Variants in DDX31 observed in about 807,000 individuals in gnomAD.
DDX31 encodes DEAD-box helicase 31.
Under a neutral mutation model 91.3 loss-of-function variants are expected in DDX31, and 70 were observed. The ratio of observed to expected loss-of-function variants is 0.77; its 90% confidence interval spans 0.63 to 0.94. DDX31 has a LOEUF of 0.94. Among genes scored for constraint, DDX31 ranks in the 40% least tolerant of loss-of-function variants. The pLI, the probability that DDX31 is intolerant of heterozygous loss-of-function variation, is 0.00. For missense variants in DDX31, 902 were observed against 925.0 expected (o/e 0.98, Z 0.32); for synonymous variants, 362 against 350.6 (o/e 1.03, Z -0.36).
chr9:132,646,257 G>C lies in DDX31; in HGVS notation c.1204-186C>G, dbSNP rs561419874. The stretch of plus-strand genomic sequence containing the variant: ...CCACTCTACAAAGAATGCAGGAGAG[G>C]AAAACGACACAGCTATCATTTCAAA... On this transcript the variant is annotated intron_variant, in intron 12 of 19. Coordinates refer to ENST00000372159, the MANE Select transcript of DDX31 (RefSeq NM_022779.9). 4.6e-5 allele frequency among the ~76,000 whole-genome samples: 7 copies of C among 152,242 alleles called. No homozygotes were observed. The South Asian group carries it at 1.2e-3, about 27-fold the overall frequency.
chr9:132,604,875 C>T (rs2119230243), intron 19 of DDX31, among the ~76,000 whole-genome samples: 1 of 152,336 alleles, frequency 6.6e-6, no homozygotes, highest in Middle Eastern at 3.4e-3. Context: ...GGCCCCACTC[C>T]TGAGCCTGCT....
intron 6 of DDX31, among the ~76,000 whole-genome samples, chr9:132,654,613 A>G (rs1415166153): frequency 6.6e-6 from 1 of 151,640 alleles, no homozygotes; most frequent in Admixed American, 6.6e-5. Context: ...ACTTCATCTC[A>G]AACAAAACAA....
chr9:132,661,286 T>C, intron 3 of DDX31, 35 bp from the exon 4 acceptor site: 2 of 1,490,768 alleles, frequency 1.3e-6, no homozygotes, highest in Non-Finnish European at 1.9e-6. Context: ...TAATTAATAT[T>C]TTGATACAAA....
chr9:132,654,870 C>T (rs192454474), intron 6 of DDX31, among the ~76,000 whole-genome samples: 22 of 144,320 alleles, frequency 1.5e-4, no homozygotes, highest in Non-Finnish European at 2.5e-4. Context: ...TGCTTGAATC[C>T]GGGAGGTGGA....
At position 132,650,984 on chromosome 9, in the gene DDX31, T is replaced by C; in HGVS notation, c.675+91A>G. On this transcript the variant is annotated intron_variant, in intron 8 of 19. Transcript: ENST00000372159. ...TCCAGGCAAAAGGAAATAATTCTTA[T>C]CTCTTTGAAAATAAAGAATAGACTG... The C allele has an allele frequency of 2.4e-6, 3 of 1,272,942 alleles. No homozygotes were observed. The highest frequency in any genetic ancestry group is 1.3e-5 in the South Asian group (1 of 75,778). 78.9% of individuals were successfully genotyped at this position (1,272,942 alleles called of 1,614,324 possible). A position where few individuals can be genotyped will look rare whatever the true frequency, so the allele number is the denominator to read the frequency against.
intron 11 of DDX31, among the ~76,000 whole-genome samples, chr9:132,647,815 A>G (rs908261099): frequency 6.6e-6 from 1 of 152,188 alleles, no homozygotes; most frequent in Non-Finnish European, 1.5e-5. Context: ...TAGGAGGAAG[A>G]GTGATTACAT....
At chr9:132,610,148 C>G (rs879591276) in intron 19 of DDX31, among the ~76,000 whole-genome samples, 42 of 152,162 alleles carry the variant, frequency 2.8e-4, no homozygotes, top group Admixed American at 7.9e-4. Flanking sequence ...AGTTCCCAGG[C>G]CCCGCAGCCT....
chr9:132,646,454 CAG>C (rs1167353528), intron 12 of DDX31, among the ~76,000 whole-genome samples: 1 of 152,174 alleles, frequency 6.6e-6, no homozygotes, highest in Non-Finnish European at 1.5e-5. Flanking sequence ...TCTCACATCT[CAG>C]AGTCAGCGCA....
chr9:132,645,088 T>C (rs1184989140), intron 13 of DDX31, among the ~76,000 whole-genome samples: 2 of 152,230 alleles, frequency 1.3e-5, no homozygotes, highest in East Asian at 3.9e-4. Context: ...TCCTGATTTC[T>C]AGTTTTCTTT....
intron 19 of DDX31, among the ~76,000 whole-genome samples, chr9:132,611,637 C>G (rs1425010995): frequency 6.6e-6 from 1 of 152,114 alleles, no homozygotes; most frequent in Non-Finnish European, 1.5e-5. Context: ...TGAGCGCTCA[C>G]CACTGGAGGT....
rs1590065681 is a variant in DDX31 at position 132,645,893 on chromosome 9, A to C, written c.1380+2T>G. ...TCGCTGCACAGGGAGATCAGTGCTC[A>C]CCTCCTGCTCCATGCCGCCATGCAG... On this transcript the variant is annotated splice_donor_variant, in intron 13 of 19. Transcript: ENST00000372159. LOFTEE classifies it high-confidence loss of function. The C allele has an allele frequency of 6.2e-7, 1 of 1,610,228 alleles. No homozygotes were observed. The highest frequency in any genetic ancestry group is 8.5e-7 in the Non-Finnish European group (1 of 1,177,902).
chr9:132,634,224 T>G (rs555120432), intron 14 of DDX31, among the ~76,000 whole-genome samples: 14 of 152,218 alleles, frequency 9.2e-5, no homozygotes, highest in African/African-American at 3.1e-4. Flanking sequence ...CCCCTACAAT[T>G]TTTATTTAGA....
chr9:132,617,744 A>G (rs1831737608), intron 18 of DDX31, among the ~76,000 whole-genome samples: 1 of 152,164 alleles, frequency 6.6e-6, no homozygotes, highest in African/African-American at 2.4e-5. Flanking sequence ...TTATTACTCA[A>G]CGTGAACTGT....
intron 16 of DDX31, among the ~76,000 whole-genome samples, chr9:132,629,078 G>C (rs1002684410): frequency 1.3e-5 from 2 of 152,272 alleles, no homozygotes; most frequent in Admixed American, 6.5e-5. Context: ...AGCAAAGAGA[G>C]GCCAGCCAGC....
At chr9:132,666,812 T>C (rs1835342160) in intron 1 of DDX31, among the ~76,000 whole-genome samples, 1 of 151,922 alleles carries the variant, frequency 6.6e-6, no homozygotes, top group Non-Finnish European at 1.5e-5. Flanking sequence ...GTTCACAGCA[T>C]TGTCCTGCCT....
chr9:132,612,865 A>G (rs1310919944), intron 18 of DDX31, among the ~76,000 whole-genome samples: 4 of 152,166 alleles, frequency 2.6e-5, no homozygotes, highest in Non-Finnish European at 5.9e-5. Context: ...TCCCTTATCC[A>G]TAGGCAATCC....
At chr9:132,623,013 C>T (rs954048579) in intron 17 of DDX31, among the ~76,000 whole-genome samples, 5 of 151,806 alleles carry the variant, frequency 3.3e-5, no homozygotes, top group South Asian at 4.2e-4. Context: ...TGTCTGTAAT[C>T]GAGCTACTTG....
Position 132,618,443 on chromosome 9 carries a change from T to C in DDX31, c.1714-2A>G. 2.5e-6 allele frequency: 4 copies of C among 1,608,772 alleles called. No homozygotes were observed. Among genetic ancestry groups the C allele is most frequent in the Non-Finnish European group, 2.5e-6 (3 of 1,177,566 alleles). ...CTGGGGGCCAACAGCATGGGATTTCTGAGAGGGCGACGGAAGGATTAAAGG... is the reference window on the plus strand; with the variant it reads ...CTGGGGGCCAACAGCATGGGATTTCCGAGAGGGCGACGGAAGGATTAAAGG... On this transcript the variant is annotated splice_acceptor_variant, in intron 17 of 19. Transcript: ENST00000372159. LOFTEE classifies it high-confidence loss of function.
Position 132,662,669 on chromosome 9 carries a change from G to T in DDX31, c.102C>A (p.Tyr34Ter). Reference sequence around the variant, plus strand: ...CTGGGGGAGCCTCACTGGACGCTTGGTATTTTCTTTTCGTAGCCTTTGCTT... The same window carrying T: ...CTGGGGGAGCCTCACTGGACGCTTGTTATTTTCTTTTCGTAGCCTTTGCTT... ...SRQAKATKRK[Y>*]QASSEAPPAK... The change falls in exon 2 of 20, where the codon TAC becomes TAA. Residue 34 changes from tyrosine (Y) to a stop codon, truncating the protein, a stop_gained. Coordinates refer to ENST00000372159, the MANE Select transcript of DDX31 (RefSeq NM_022779.9). LOFTEE classifies it high-confidence loss of function. 1 of 1,614,126 alleles carries T rather than the reference G, an allele frequency of 6.2e-7. No individual in the cohort carries two copies. The highest frequency in any genetic ancestry group is 1.1e-5 in the South Asian group (1 of 91,086).
Sources: gnomAD v4.1 joint callset for allele counts (sites outside exome capture counted in the v4.1 genomes callset) on GRCh38, gnomAD v4.1.1 for gene constraint, MANE v1.5 for transcripts, NCBI Gene and HGNC (gene_info 2026-07-23, HGNC 2026-07-21) for gene names.